BRF1: variants seen among roughly 807,000 people sequenced by gnomAD.
The protein encoded by BRF1 is BRF1 general transcription factor IIIB subunit.
Under a neutral mutation model 81.7 loss-of-function variants are expected in BRF1, and 59 were observed. The observed-to-expected ratio is 0.72, with a 90% CI of 0.59 to 0.90. The LOEUF is 0.90. Among genes scored for constraint, BRF1 ranks in the 40% least tolerant of loss-of-function variants. The probability of loss-of-function intolerance (pLI) is 0.00; values close to 1 mark genes in which losing one functional copy is unlikely to be tolerated. For missense variants in BRF1, 1,050 were observed against 936.3 expected, an observed-to-expected ratio of 1.12 and a Z score of -1.58; for synonymous variants, 491 against 395.6, an observed-to-expected ratio of 1.24 and a Z score of -2.86.
intron 5 of BRF1, chr14:105,248,089 TTCCTCGAGGAAAATGCCGGGAAATAGC>T: frequency 1.0e-6 from 1 of 985,454 alleles, no homozygotes; most frequent in Non-Finnish European, 1.2e-6. Context: ...CTGTGCCTAT[TTCCTCGAGGAAAATGCCGGGAAATAGC>T]AGCGCCTGCC....
At chr14:105,311,704 C>T (rs1212163385) in intron 1 of BRF1, among the ~76,000 whole-genome samples, 2 of 152,298 alleles carry the variant, frequency 1.3e-5, no homozygotes, top group South Asian at 4.1e-4. Context: ...TAAGGGTGAC[C>T]GTGGGAACTG....
intron 1 of BRF1, among the ~76,000 whole-genome samples, chr14:105,308,626 G>C (rs779058754): frequency 3.3e-5 from 5 of 151,714 alleles, no homozygotes; most frequent in African/African-American, 1.2e-4. Flanking sequence ...GGGATTACAG[G>C]TATGAGCCAC....
chr14:105,249,121 C>T, intron 5 of BRF1: 5 of 1,510,968 alleles, frequency 3.3e-6, no homozygotes, highest in East Asian at 2.6e-5. Flanking sequence ...CGCCCGCGCG[C>T]GCCCACGCCC....
chr14:105,229,422 C>A (rs587737836), intron 6 of BRF1, among the ~76,000 whole-genome samples: 1 of 152,268 alleles, frequency 6.6e-6, no homozygotes, highest in South Asian at 2.1e-4. Flanking sequence ...GATGCCGGTA[C>A]CTGGCCTGCC....
rs199686171 is a variant in BRF1 at position 105,217,633 on chromosome 14, G to A, written c.1683C>T (p.Pro561=). 370 of 1,613,324 alleles carry A rather than the reference G, an allele frequency of 2.3e-4. 3 individuals carry two copies. The East Asian group carries it at 6.3e-3, about 27-fold the overall frequency. Reference sequence around the variant, plus strand: ...GCTTCCTGGCACTGGCGCTATGCTCGGGCTGTGCATCCTCCCTGTGCGGAC... The same window carrying A: ...GCTTCCTGGCACTGGCGCTATGCTCAGGCTGTGCATCCTCCCTGTGCGGAC... ...GGSPHREDAQ[P]EHSASARKLS... Residue 561 remains proline, a synonymous_variant, in exon 15 of 18, where the codon CCC becomes CCT. Coordinates refer to ENST00000547530, the MANE Select transcript of BRF1 (RefSeq NM_001519.4).
At chr14:105,278,727 G>A (rs2056946218) in intron 2 of BRF1, among the ~76,000 whole-genome samples, 1 of 151,806 alleles carries the variant, frequency 6.6e-6, no homozygotes, top group African/African-American at 2.4e-5. Context: ...CCAACATGGT[G>A]AGACCCCCAT....
At chr14:105,217,882 G>C in intron 14 of BRF1, 82 bp from the exon 15 acceptor site, 1 of 1,557,862 alleles carries the variant, frequency 6.4e-7, no homozygotes, top group Non-Finnish European at 8.7e-7. Context: ...GAGGCCAGGA[G>C]TGCAGGCGGG....
intron 14 of BRF1, 126 bp from the exon 15 acceptor site, chr14:105,217,926 C>G (rs1891602946): frequency 1.4e-6 from 2 of 1,402,494 alleles, no homozygotes; most frequent in Non-Finnish European, 9.6e-7. Flanking sequence ...AAGGGCCGCT[C>G]CTGCCTCCTC....
At chr14:105,223,213 C>G (rs1892564233) in intron 10 of BRF1, among the ~76,000 whole-genome samples, 1 of 152,130 alleles carries the variant, frequency 6.6e-6, no homozygotes. Context: ...AAAAGACATA[C>G]ACACTTGCCT....
chr14:105,257,926 C>T (rs143859442), intron 3 of BRF1, among the ~76,000 whole-genome samples: 3 of 152,148 alleles, frequency 2.0e-5, no homozygotes, highest in Admixed American at 6.5e-5. Flanking sequence ...GGTTCCAGGA[C>T]GCTGCAGCTC....
rs879298990 is a variant in BRF1, at chr14:105,269,340, T to G, written c.439+3381A>C. Among the ~76,000 whole-genome samples, 1 of 152,094 alleles carries G rather than the reference T, an allele frequency of 6.6e-6. No individual in the cohort carries two copies. Among genetic ancestry groups the G allele is most frequent in the African/African-American group, 2.4e-5 (1 of 41,430 alleles). On this transcript the variant is annotated intron_variant, in intron 3 of 17. Transcript: ENST00000547530. The surrounding 1 kb of genome is among the most constrained non-coding windows in gnomAD (Gnocchi z 5.0). ...CCAGGCCACCAGCAGCCAGAGGGGATAGAGTGCGGCCTCCCGTGAGCACAG... is the reference window on the plus strand; with the variant it reads ...CCAGGCCACCAGCAGCCAGAGGGGAGAGAGTGCGGCCTCCCGTGAGCACAG...
chr14:105,215,812 G>A (rs1298983348), intron 15 of BRF1, among the ~76,000 whole-genome samples: 3 of 110,956 alleles, frequency 2.7e-5, no homozygotes, highest in Non-Finnish European at 5.3e-5. Context: ...TGCATACACA[G>A]GCACACACAC....
Position 105,215,967 on chromosome 14 carries a change from GCA to G in BRF1, c.1772+1575_1772+1576del, listed in dbSNP as rs1208305167. 5.0e-3 allele frequency among the ~76,000 whole-genome samples: 384 copies of G among 76,180 alleles called. 20 individuals carry two copies. The highest frequency in any genetic ancestry group is 0.023 in the African/African-American group (354 of 15,216). The allele number at this position is 76,180 out of a possible 152,430, so 50.0% of individuals were successfully genotyped here. ...CACAGACACAGGCACACACACACAT[GCA>G]CACACACTGCATACACAGGCGCACA... is the stretch of plus-strand genomic sequence containing the variant. On this transcript the variant is annotated intron_variant, in intron 15 of 17. Coordinates refer to ENST00000547530, the MANE Select transcript of BRF1 (RefSeq NM_001519.4).
chr14:105,228,913 G>A lies in BRF1; in HGVS notation c.695C>T (p.Ala232Val), dbSNP rs758735678. The change falls in exon 7 of 18, where the codon GCG becomes GTG. Residue 232 changes from alanine (A) to valine (V), a missense_variant and splice_region_variant. This residue lies in a region of BRF1 where 1,043 missense variants were observed against 915.4 expected (regional missense o/e 1.14). Coordinates refer to ENST00000547530, the MANE Select transcript of BRF1 (RefSeq NM_001519.4). Reference protein sequence around the residue: ...GRRPSGLCGAALLVAARMHDF... With the variant: ...GRRPSGLCGAVLLVAARMHDF... ...ATGCATTCTGGCTGCAACCAGGAGCGCTGGAAGGCAACGAGACGGGCCTCG... is the reference window on the plus strand; with the variant it reads ...ATGCATTCTGGCTGCAACCAGGAGCACTGGAAGGCAACGAGACGGGCCTCG... The A allele has an allele frequency of 3.7e-6, 6 of 1,613,318 alleles. No individual in the cohort carries two copies. The highest frequency in any genetic ancestry group is 3.3e-5 in the Admixed American group (2 of 60,000).
At chr14:105,294,038 C>T (rs1485701492) in intron 1 of BRF1, among the ~76,000 whole-genome samples, 2 of 152,276 alleles carry the variant, frequency 1.3e-5, no homozygotes, top group East Asian at 3.9e-4. Context: ...GAGAAGCCAC[C>T]AAGGTTTCCA....
At chr14:105,274,029 A>G (rs1279685315) in intron 2 of BRF1, among the ~76,000 whole-genome samples, 2 of 152,230 alleles carry the variant, frequency 1.3e-5, no homozygotes, top group African/African-American at 2.4e-5. Context: ...CACTTGTTCA[A>G]TTCTGAGATA....
chr14:105,228,766 C>G (rs1595324028), intron 7 of BRF1, 54 bp downstream of exon 7: 5 of 1,599,244 alleles, frequency 3.1e-6, no homozygotes, highest in East Asian at 4.5e-5. Context: ...CAGGCCTGAG[C>G]TGGACTGATG....
At position 105,217,563 on chromosome 14, in the gene BRF1, C is replaced by G; in HGVS notation, c.1753G>C (p.Val585Leu). Residue 585 changes from valine (V) to leucine (L), a missense_variant, in exon 15 of 18, where the codon GTG (valine) becomes CTG (leucine). This residue lies in a region of BRF1 where 1,043 missense variants were observed against 915.4 expected (regional missense o/e 1.14). Coordinates refer to ENST00000547530, the MANE Select transcript of BRF1 (RefSeq NM_001519.4). ...TPASRSGADP[V>L]TSVGKRLRPL... ...TGGTACCTTTTCCCCACACTGGTCA[C>G]AGGGTCAGCCCCACTTCTGCTGGCC... The G allele has an allele frequency of 1.9e-6, 3 of 1,613,478 alleles. No individual in the cohort carries two copies. Among genetic ancestry groups the G allele is most frequent in the South Asian group, 1.1e-5 (1 of 91,076 alleles).
chr14:105,242,860 A>G (rs1407282414), intron 5 of BRF1, among the ~76,000 whole-genome samples: 2 of 152,098 alleles, frequency 1.3e-5, no homozygotes, highest in Non-Finnish European at 2.9e-5. Flanking sequence ...TTACGCCTGT[A>G]ATCCCAACAC....
Sources: allele counts gnomAD v4.1 joint callset (sites outside exome capture counted in the v4.1 genomes callset), GRCh38; gene constraint gnomAD v4.1.1; regional missense constraint gnomAD v4.1.1; non-coding constraint Gnocchi (gnomAD v3.1); transcripts MANE v1.5; gene names NCBI Gene and HGNC (gene_info 2026-07-23, HGNC 2026-07-21).